The following DTL variants were observed in gnomAD, a reference collection of about 807,000 sequenced individuals.
DTL encodes denticleless protein homolog.
DTL carries 46 observed loss-of-function variants against 87.0 expected under a neutral mutation model. The ratio of observed to expected loss-of-function variants is 0.53; its 90% confidence interval spans 0.42 to 0.68. The LOEUF is 0.68. Among genes scored for constraint, DTL ranks in the 30% least tolerant of loss-of-function variants. The pLI, the probability that DTL is intolerant of heterozygous loss-of-function variation, is 0.00. For synonymous variants in DTL, 308 were observed against 311.2 expected, an observed-to-expected ratio of 0.99 and a Z score of 0.11; for missense variants, 737 against 869.4, an observed-to-expected ratio of 0.85 and a Z score of 1.91.
chr1:212,041,757 G>C (rs1406806506), intron 1 of DTL, among the ~76,000 whole-genome samples: 2 of 152,142 alleles, frequency 1.3e-5, no homozygotes, highest in Non-Finnish European at 2.9e-5. Flanking sequence ...TGGTCCGCCT[G>C]CCTCTGCCTC....
At chr1:212,079,324 T>C (rs1654926102) in intron 12 of DTL, among the ~76,000 whole-genome samples, 1 of 152,094 alleles carries the variant, frequency 6.6e-6, no homozygotes, top group Non-Finnish European at 1.5e-5. Flanking sequence ...TTTTTTTCAA[T>C]TGTCATATAT....
At chr1:212,084,901 C>A (rs547426262) in intron 13 of DTL, among the ~76,000 whole-genome samples, 1 of 152,234 alleles carries the variant, frequency 6.6e-6, no homozygotes, top group South Asian at 2.1e-4. Flanking sequence ...CCAACAGATA[C>A]CAAAGTCCAC....
intron 1 of DTL, among the ~76,000 whole-genome samples, chr1:212,039,722 G>A (rs1354474033): frequency 6.6e-6 from 1 of 152,184 alleles, no homozygotes; most frequent in East Asian, 1.9e-4. Context: ...ATAAACCTGT[G>A]TAGCATATTA....
At chr1:212,072,490 C>T (rs558601077) in intron 11 of DTL, among the ~76,000 whole-genome samples, 7 of 152,200 alleles carry the variant, frequency 4.6e-5, no homozygotes, top group African/African-American at 1.4e-4. Context: ...TGATAAGAAC[C>T]TTAACTACTT....
chr1:212,101,162 T>C (rs1655615058), intron 14 of DTL, 78 bp downstream of exon 14: 1 of 418,598 alleles, frequency 2.4e-6, no homozygotes, highest in East Asian at 6.2e-5. Context: ...GTCAGGATGC[T>C]TTTTTTTTTT....
At chr1:212,055,102 A>T (rs1446527218) in intron 5 of DTL, among the ~76,000 whole-genome samples, 2 of 151,982 alleles carry the variant, frequency 1.3e-5, no homozygotes, top group African/African-American at 4.9e-5. Flanking sequence ...ATCACCCTTC[A>T]AATAGATCAT....
intron 13 of DTL, among the ~76,000 whole-genome samples, chr1:212,098,407 G>A (rs1340565630): frequency 6.6e-6 from 1 of 152,164 alleles, no homozygotes; most frequent in Non-Finnish European, 1.5e-5. Flanking sequence ...AGTATAGCGG[G>A]GGATATAAGC....
In DTL at chr1:212,066,804, G is replaced by T. The variant is rs762413570; in HGVS notation, c.640-8G>T. On this transcript the variant is annotated splice_polypyrimidine_tract_variant and splice_region_variant and intron_variant, in intron 7 of 14. Coordinates refer to ENST00000366991, the MANE Select transcript of DTL (RefSeq NM_016448.4). ...AGATAGAATCTTCTTCTTTTCTTGT[G>T]CTATCAGGATTTCCAGCAAAGTGTT... is the stretch of plus-strand genomic sequence containing the variant. 3 of 1,612,570 alleles carry T rather than the reference G, an allele frequency of 1.9e-6. No individual in the cohort carries two copies. The highest frequency in any genetic ancestry group is 2.5e-6 in the Non-Finnish European group (3 of 1,178,808).
At chr1:212,058,110 T>C (rs1668234028) in intron 5 of DTL, among the ~76,000 whole-genome samples, 2 of 152,146 alleles carry the variant, frequency 1.3e-5, no homozygotes, top group Admixed American at 6.5e-5. Context: ...GAGACTCCAG[T>C]GCAATAACAG....
intron 14 of DTL, 53 bp downstream of exon 14, chr1:212,101,137 A>C (rs1255444736): frequency 2.0e-5 from 25 of 1,222,816 alleles, no homozygotes; most frequent in Admixed American, 1.7e-4. Context: ...GGGGCCAGAC[A>C]CCCAGATGTC....
Position 212,078,271 on chromosome 1 carries a change from A to G in DTL, c.1125+9A>G, listed in dbSNP as rs1358383567. On this transcript the variant is annotated intron_variant, in intron 12 of 14. Transcript: ENST00000366991. ...CATCTGACTTCACAAAGGTTTGTAA[A>G]TGAATCTCTATAGTTGGTTTAAAAT... 12 of 1,527,088 alleles carry G rather than the reference A, an allele frequency of 7.9e-6. No homozygotes were observed. Among genetic ancestry groups the G allele is most frequent in the Non-Finnish European group, 1.1e-5 (12 of 1,101,992 alleles). 94.6% of individuals were successfully genotyped at this position (1,527,088 alleles called of 1,614,324 possible). A position where few individuals can be genotyped will look rare whatever the true frequency, so the allele number is the denominator to read the frequency against.
intron 3 of DTL, 68 bp downstream of exon 3, chr1:212,044,826 A>G: frequency 1.1e-6 from 1 of 891,634 alleles, no homozygotes; most frequent in Admixed American, 2.0e-5. Flanking sequence ...GTATATTATT[A>G]TTTGAACACA....
At chr1:212,037,831 G>C (rs1181152192) in intron 1 of DTL, among the ~76,000 whole-genome samples, 1 of 152,118 alleles carries the variant, frequency 6.6e-6, no homozygotes, top group African/African-American at 2.4e-5. Flanking sequence ...CCACCACCCA[G>C]GTCAAAAACA....
At chr1:212,090,827 G>T (rs1437927442) in intron 13 of DTL, among the ~76,000 whole-genome samples, 1 of 152,200 alleles carries the variant, frequency 6.6e-6, no homozygotes, top group African/African-American at 2.4e-5. Context: ...CTTGTGAAAA[G>T]AAAAACTATC....
chr1:212,086,884 T>C (rs1351763677), intron 13 of DTL, among the ~76,000 whole-genome samples: 1 of 152,240 alleles, frequency 6.6e-6, no homozygotes, highest in Non-Finnish European at 1.5e-5. Flanking sequence ...GGAATTCTTG[T>C]GTTAATGACT....
intron 11 of DTL, among the ~76,000 whole-genome samples, chr1:212,074,689 A>T (rs1046551325): frequency 2.6e-5 from 4 of 152,188 alleles, no homozygotes; most frequent in African/African-American, 9.6e-5. Context: ...GAGCAATTCC[A>T]TTCAAGCTGA....
intron 14 of DTL, 88 bp downstream of exon 14, chr1:212,101,172 TTTTA>T: frequency 9.5e-7 from 1 of 1,050,994 alleles, no homozygotes; most frequent in Non-Finnish European, 1.3e-6. Context: ...TTTTTTTTTT[TTTTA>T]AAGAAAGAAA....
At chr1:212,074,237 A>G (rs1046436214) in intron 11 of DTL, among the ~76,000 whole-genome samples, 6 of 148,330 alleles carry the variant, frequency 4.0e-5, no homozygotes, top group Non-Finnish European at 7.6e-5. Context: ...TAAATTATAT[A>G]TATACATAAT....
At chr1:212,065,096 T>C (rs1654451695) in intron 7 of DTL, 67 bp downstream of exon 7, 1 of 1,134,926 alleles carries the variant, frequency 8.8e-7, no homozygotes, top group South Asian at 1.3e-5. Flanking sequence ...TGGGAGGCTA[T>C]TGATTAAGTG....
Sources: gnomAD v4.1 joint callset for allele counts (sites outside exome capture counted in the v4.1 genomes callset) on GRCh38, gnomAD v4.1.1 for gene constraint, MANE v1.5 for transcripts, NCBI Gene and HGNC (gene_info 2026-07-23, HGNC 2026-07-21) for gene names.